The following DECR1 variants were observed in gnomAD, a reference collection of about 807,000 sequenced individuals.
DECR1 encodes the protein 2,4-dienoyl-CoA reductase 1, also known as 2,4-dienoyl-CoA reductase [(3E)-enoyl-CoA-producing], mitochondrial.
DECR1 carries 44 observed loss-of-function variants against 38.8 expected under a neutral mutation model. That is an observed-to-expected ratio of 1.13 (90% CI 0.89 to 1.46). The LOEUF (loss-of-function observed/expected upper bound fraction) is 1.46, where lower values mean the gene tolerates loss of function less well. Ranked by LOEUF, DECR1 falls within the 40% of genes most tolerant of loss-of-function variation. The probability of loss-of-function intolerance (pLI) is 0.00; values close to 1 mark genes in which losing one functional copy is unlikely to be tolerated. For synonymous variants in DECR1, 148 were observed against 135.2 expected (o/e 1.09, Z -0.66); for missense variants, 428 against 405.5 (o/e 1.06, Z -0.48).
chr8:90,014,872 C>A (rs2130033915), intron 1 of DECR1, among the ~76,000 whole-genome samples: 1 of 152,160 alleles, frequency 6.6e-6, no homozygotes, highest in East Asian at 1.9e-4. Context: ...GTTCTGAAGG[C>A]AGGTGGCAGC....
At chr8:90,023,603 G>T (rs1813219687) in intron 5 of DECR1, among the ~76,000 whole-genome samples, 1 of 151,844 alleles carries the variant, frequency 6.6e-6, no homozygotes, top group Admixed American at 6.6e-5. Context: ...ATTTCCTCCT[G>T]ATGCCAGGAG....
chr8:90,033,957 G>A (rs1375248741), intron 5 of DECR1, among the ~76,000 whole-genome samples: 1 of 152,084 alleles, frequency 6.6e-6, no homozygotes, highest in East Asian at 1.9e-4. Flanking sequence ...CTGTAATGGA[G>A]CCCACTAATG....
intron 5 of DECR1, among the ~76,000 whole-genome samples, chr8:90,024,306 A>G (rs1245973326): frequency 2.0e-5 from 3 of 152,222 alleles, no homozygotes; most frequent in African/African-American, 7.2e-5. Flanking sequence ...GTCTTCCACA[A>G]TGGTTGAACT....
intron 1 of DECR1, chr8:90,005,586 A>G (rs1160898946): frequency 3.5e-5 from 13 of 376,770 alleles, no homozygotes; most frequent in Admixed American, 2.1e-4. Flanking sequence ...TGTCCTCTGA[A>G]GGCAGCTGGC....
intron 7 of DECR1, among the ~76,000 whole-genome samples, chr8:90,043,869 C>T (rs549745225): frequency 9.9e-5 from 15 of 152,274 alleles, no homozygotes; most frequent in South Asian, 4.1e-4. Context: ...TAGACACAAA[C>T]GCTTCTCTCC....
At chr8:90,037,102 C>CT in intron 6 of DECR1, 162 bp downstream of exon 6, 1 of 586,014 alleles carries the variant, frequency 1.7e-6, no homozygotes, top group Non-Finnish European at 3.1e-6. Flanking sequence ...TCCTATTTGT[C>CT]TATAGCAGCG....
intron 1 of DECR1, among the ~76,000 whole-genome samples, chr8:90,011,276 G>C (rs529523589): frequency 2.0e-5 from 3 of 152,192 alleles, no homozygotes; most frequent in Admixed American, 6.5e-5. Context: ...ATACATTCCA[G>C]CTCCTTCTTT....
chr8:90,015,255 T>C (rs1205052527), intron 1 of DECR1, among the ~76,000 whole-genome samples: 1 of 152,230 alleles, frequency 6.6e-6, no homozygotes, highest in African/African-American at 2.4e-5. Context: ...ATACTGGATT[T>C]AAGTCTTTAT....
chr8:90,005,209 C>T (rs964945299), intron 1 of DECR1: 8 of 398,644 alleles, frequency 2.0e-5, no homozygotes, highest in South Asian at 3.7e-5. Flanking sequence ...CGTGTGGAGA[C>T]GAGATCAGTC....
At chr8:90,037,200 TATCCCA>T (rs1239335734) in intron 6 of DECR1, among the ~76,000 whole-genome samples, 7 of 152,200 alleles carry the variant, frequency 4.6e-5, no homozygotes, top group Admixed American at 1.3e-4. Context: ...ACCCTTGGAA[TATCCCA>T]CTGTGACTGA....
At chr8:90,005,676 T>C in intron 1 of DECR1, 1 of 350,310 alleles carries the variant, frequency 2.9e-6, no homozygotes, top group South Asian at 2.2e-5. Context: ...CAACTGTCTC[T>C]GCACAGACAG....
chr8:90,032,767 A>C (rs946052219), intron 5 of DECR1, among the ~76,000 whole-genome samples: 2 of 152,168 alleles, frequency 1.3e-5, no homozygotes, highest in African/African-American at 4.8e-5. Flanking sequence ...CCGGCCGTTC[A>C]ACAAATTCTT....
intron 5 of DECR1, among the ~76,000 whole-genome samples, chr8:90,034,270 T>C (rs1311490396): frequency 6.6e-6 from 1 of 152,164 alleles, no homozygotes; most frequent in African/African-American, 2.4e-5. Context: ...CAAATTTAAA[T>C]TTCTAAAAGT....
intron 5 of DECR1, among the ~76,000 whole-genome samples, chr8:90,027,601 CCTATGTGTGT>C (rs1813382619): frequency 6.6e-6 from 1 of 152,116 alleles, no homozygotes; most frequent in South Asian, 2.1e-4. Flanking sequence ...TTATTTTGAG[CCTATGTGTGT>C]CTCTGCAGGT....
At chr8:90,016,341 T>A (rs964230472) in intron 1 of DECR1, among the ~76,000 whole-genome samples, 1 of 152,166 alleles carries the variant, frequency 6.6e-6, no homozygotes, top group Non-Finnish European at 1.5e-5. Flanking sequence ...GTTAGTTTTT[T>A]AAAAATTAAA....
intron 5 of DECR1, 74 bp from the exon 6 acceptor site, chr8:90,036,767 T>G (rs979504188): frequency 3.4e-5 from 33 of 971,590 alleles, no homozygotes; most frequent in Non-Finnish European, 4.8e-5. Context: ...GATCCCATTT[T>G]TATAAATAAT....
chr8:90,051,174 TAAAA>T (rs200601445), intron 8 of DECR1, among the ~76,000 whole-genome samples: 2 of 140,854 alleles, frequency 1.4e-5, no homozygotes, highest in East Asian at 2.0e-4. Flanking sequence ...CAAGTATAAT[TAAAA>T]AAAAAAAAAG....
intron 1 of DECR1, chr8:90,005,959 T>C: frequency 2.0e-6 from 1 of 492,992 alleles, no homozygotes; most frequent in East Asian, 3.4e-5. Flanking sequence ...AGTGAGAGGG[T>C]GTTGGGAGGT....
chr8:90,044,300 A>C (rs1813831743), intron 7 of DECR1, among the ~76,000 whole-genome samples: 1 of 152,198 alleles, frequency 6.6e-6, no homozygotes, highest in African/African-American at 2.4e-5. Context: ...TGTTTTTATT[A>C]ATCAGTGCAC....
Sources: allele counts gnomAD v4.1 joint callset (sites outside exome capture counted in the v4.1 genomes callset), GRCh38; gene constraint gnomAD v4.1.1; transcripts MANE v1.5; gene names NCBI Gene and HGNC (gene_info 2026-07-23, HGNC 2026-07-21).